PNPLA6: variants seen among roughly 807,000 people sequenced by gnomAD.
PNPLA6 encodes the protein patatin-like phospholipase domain-containing protein 6.
Under a neutral mutation model 153.7 loss-of-function variants are expected in PNPLA6, and 105 were observed. The observed-to-expected ratio is 0.68, with a 90% CI of 0.58 to 0.80. The LOEUF (loss-of-function observed/expected upper bound fraction) is 0.80. Among genes scored for constraint, PNPLA6 ranks in the 30% least tolerant of loss-of-function variants. The pLI is 0.00. For missense variants in PNPLA6, 1,423 were observed against 1,919.3 expected (o/e 0.74, Z 4.83); for synonymous variants, 825 against 822.2 (o/e 1.00, Z -0.06).
chr19:7,542,951 G>A, intron 12 of PNPLA6, 23 bp downstream of exon 12: 1 of 1,613,870 alleles, frequency 6.2e-7, no homozygotes, highest in South Asian at 1.1e-5. Context: ...GGGGAGCTGG[G>A]CACAGGGCGC....
intron 10 of PNPLA6, 163 bp from the exon 11 acceptor site, chr19:7,542,390 AGTGGTGCT>A: frequency 1.5e-6 from 1 of 669,374 alleles, no homozygotes; most frequent in Non-Finnish European, 2.7e-6. Context: ...GCTAGAGTGC[AGTGGTGCT>A]GTCATAGCTC....
chr19:7,557,465 T>C (rs2023932717), intron 27 of PNPLA6, 181 bp downstream of exon 27: 1 of 665,236 alleles, frequency 1.5e-6, no homozygotes, highest in South Asian at 1.6e-5. Flanking sequence ...TGAATGTGCC[T>C]GTGGACAGCG....
At chr19:7,536,950 AAAG>A (rs1225485301) in intron 3 of PNPLA6, among the ~76,000 whole-genome samples, 223 of 127,110 alleles carry the variant, frequency 1.8e-3, no homozygotes, top group East Asian at 0.011. Context: ...AAAAAAAAAA[AAAG>A]AAGAAGAAGA....
At position 7,542,394 on chromosome 19, in the gene PNPLA6, G is replaced by A. The variant is rs561074539; in HGVS notation, c.1253-167G>A. 39 of 675,444 alleles carry A rather than the reference G, an allele frequency of 5.8e-5. 1 individual carries two copies. The African/African-American group carries it at 6.2e-4, about 11-fold the overall frequency. 41.8% of individuals were successfully genotyped at this position (675,444 alleles called of 1,614,324 possible). ...CTGTCTCCCAGGCTAGAGTGCAGTG[G>A]TGCTGTCATAGCTCACTGCAGCCTC... On this transcript the variant is annotated intron_variant, in intron 10 of 31. Transcript: ENST00000600737.
At chr19:7,544,327 G>A (rs1343824406) in intron 13 of PNPLA6, among the ~76,000 whole-genome samples, 1 of 150,756 alleles carries the variant, frequency 6.6e-6, no homozygotes, top group Non-Finnish European at 1.5e-5. Flanking sequence ...GGCCAGCCTT[G>A]TCTCAAACTC....
At chr19:7,546,428 A>T (rs1213852383) in intron 13 of PNPLA6, among the ~76,000 whole-genome samples, 1 of 152,140 alleles carries the variant, frequency 6.6e-6, no homozygotes, top group East Asian at 1.9e-4. Flanking sequence ...CAGGAGTTCG[A>T]GACCAGCCTG....
At chr19:7,554,402 T>A (rs2023780560) in intron 20 of PNPLA6, 130 bp downstream of exon 20, 2 of 1,222,686 alleles carry the variant, frequency 1.6e-6, no homozygotes, top group Non-Finnish European at 2.4e-6. Flanking sequence ...AATGGGGAGA[T>A]TCGCAGTGGT....
chr19:7,549,595 TC>T, intron 13 of PNPLA6: 1 of 421,474 alleles, frequency 2.4e-6, no homozygotes, highest in Non-Finnish European at 4.4e-6. Flanking sequence ...TTCAGGCAAT[TC>T]TCTTGCCTCA....
chr19:7,552,530 T>G (rs909631688), intron 18 of PNPLA6, among the ~76,000 whole-genome samples: 1 of 151,712 alleles, frequency 6.6e-6, no homozygotes, highest in African/African-American at 2.4e-5. Context: ...CTGAGGCAGG[T>G]GAATCACTTG....
In PNPLA6 at chr19:7,560,738, G is replaced by C; in HGVS notation, c.3790G>C (p.Asp1264His). 1 of 1,612,238 alleles carries C rather than the reference G, an allele frequency of 6.2e-7. No individual in the cohort carries two copies. The highest frequency in any genetic ancestry group is 8.5e-7 in the Non-Finnish European group (1 of 1,178,340). The change falls in exon 29 of 32, where the codon GAC (aspartate) becomes CAC (histidine). Residue 1264 changes from aspartate (D) to histidine (H), a missense_variant. Physicochemically the swap from Asp to His is moderately conservative, Grantham distance 81. Coordinates refer to ENST00000600737, the MANE Select transcript of PNPLA6 (RefSeq NM_001166114.2). ...AATGCTCACAGACCGGCGGTCTACA[G>C]ACCTTAATGAGAGCCGCCGTGCAGA... is the stretch of plus-strand genomic sequence containing the variant. ...EKMLTDRRSTDLNESRRADVL... is the reference protein window; with the variant it reads ...EKMLTDRRSTHLNESRRADVL...
At chr19:7,551,534 T>G in intron 18 of PNPLA6, 97 bp downstream of exon 18, 1 of 1,079,732 alleles carries the variant, frequency 9.3e-7, no homozygotes, top group East Asian at 2.4e-5. Flanking sequence ...TGCTGGGAAA[T>G]GGAGTTCCGC....
rs1056771027 is a variant in PNPLA6, at chr19:7,535,744, A to C, written c.-45A>C. The C allele has an allele frequency of 3.9e-6, 6 of 1,519,502 alleles. No homozygotes were observed. The highest frequency in any genetic ancestry group is 2.7e-5 in the African/African-American group (2 of 72,826). 94.1% of individuals were successfully genotyped at this position (1,519,502 alleles called of 1,614,324 possible). A position where few individuals can be genotyped will look rare whatever the true frequency, so the allele number is the denominator to read the frequency against. On this transcript the variant is annotated 5_prime_UTR_variant, in exon 1 of 32. Transcript: ENST00000600737. This position sits in a 1 kb window ranked among gnomAD's most constrained non-coding sequence, Gnocchi z 5.0. ...ACTGCGGGCCGCCGGGCCTCAGGGA[A>C]GAGTCGCGCCCCCGGGGAGGGAGCA...
Position 7,556,647 on chromosome 19 carries a change from C to G in PNPLA6, c.3211-8C>G. 1 of 1,611,892 alleles carries G rather than the reference C, an allele frequency of 6.2e-7. No homozygotes were observed. Among genetic ancestry groups the G allele is most frequent in the Non-Finnish European group, 8.5e-7 (1 of 1,177,990 alleles). ...GCTCCTCCCCCACCTCGATCCCTGT[C>G]CCCGCAGGACCTGTGGCTGCCTTAC... On this transcript the variant is annotated splice_region_variant and splice_polypyrimidine_tract_variant and intron_variant, in intron 25 of 31. Coordinates refer to ENST00000600737, the MANE Select transcript of PNPLA6 (RefSeq NM_001166114.2).
At position 7,553,442 on chromosome 19, in the gene PNPLA6, A is replaced by G. The variant is rs75464357; in HGVS notation, c.2261-433A>G. ...AATTGTTGTGTATTTTTAGTAGAGCAGTGTTTCTCCATGTTGGCTAGGCTA... is the reference window on the plus strand; with the variant it reads ...AATTGTTGTGTATTTTTAGTAGAGCGGTGTTTCTCCATGTTGGCTAGGCTA... On this transcript the variant is annotated intron_variant, in intron 18 of 31. Transcript: ENST00000600737. Among the ~76,000 whole-genome samples, 134 of 152,226 alleles carry G rather than the reference A, an allele frequency of 8.8e-4. 1 individual carries two copies. In the East Asian group the frequency reaches 0.022, roughly 25 times the overall value.
chr19:7,536,357 G>T (rs146661810), intron 2 of PNPLA6, 84 bp downstream of exon 2: 9 of 1,406,520 alleles, frequency 6.4e-6, no homozygotes, highest in Admixed American at 5.1e-5. Flanking sequence ...GTCCGCCACC[G>T]CTCCTTCCTT....
Position 7,535,780 on chromosome 19 carries a change from A to G in PNPLA6, c.-9A>G, listed in dbSNP as rs370681326. 2.6e-6 allele frequency: 4 copies of G among 1,534,638 alleles called. No homozygotes were observed. The highest frequency in any genetic ancestry group is 2.7e-5 in the African/African-American group (2 of 73,004). On this transcript the variant is annotated 5_prime_UTR_variant, in exon 1 of 32. Transcript: ENST00000600737. This position sits in a 1 kb window ranked among gnomAD's most constrained non-coding sequence, Gnocchi z 5.0. ...CCCGGGGAGGGAGCAGCACTGGCCCATTCTGCAGATGGGGACATCGAGTCA... is the reference window on the plus strand; with the variant it reads ...CCCGGGGAGGGAGCAGCACTGGCCCGTTCTGCAGATGGGGACATCGAGTCA...
rs973710453 is a variant in PNPLA6 at position 7,555,900 on chromosome 19, G to T, written c.3093+137G>T. 1.1e-6 allele frequency: 1 copy of T among 937,738 alleles called. No individual in the cohort carries two copies. Among genetic ancestry groups the T allele is most frequent in the Non-Finnish European group, 1.7e-6 (1 of 603,366 alleles). 58.1% of individuals were successfully genotyped at this position (937,738 alleles called of 1,614,324 possible). On this transcript the variant is annotated intron_variant, in intron 24 of 31. Transcript: ENST00000600737. The surrounding 1 kb of genome is among the most constrained non-coding windows in gnomAD (Gnocchi z 6.3). ...TTAAATCTATGATCCCCAGCTGTCCGGACTTTTATAGATAAGCTTCTAGGA... is the reference window on the plus strand; with the variant it reads ...TTAAATCTATGATCCCCAGCTGTCCTGACTTTTATAGATAAGCTTCTAGGA...
chr19:7,544,839 T>C (rs1172572046), intron 13 of PNPLA6, among the ~76,000 whole-genome samples: 1 of 152,112 alleles, frequency 6.6e-6, no homozygotes, highest in Non-Finnish European at 1.5e-5. Flanking sequence ...GTTCTTAGAA[T>C]AGCTGAGGAA....
rs749877949 is a variant in PNPLA6, at chr19:7,554,942, T to C, written c.2684T>C (p.Val895Ala). Residue 895 changes from valine to alanine, a missense_variant, in exon 22 of 32, where the codon GTC becomes GCC. Transcript: ENST00000600737. ...NTAVRALKQL[V>A]LLHREEGAGP... ...GCTGTGCGCGCCCTTAAGCAGCTAGTCCTGCTCCACCGAGAGGAGGGCGCG... is the reference window on the plus strand; with the variant it reads ...GCTGTGCGCGCCCTTAAGCAGCTAGCCCTGCTCCACCGAGAGGAGGGCGCG... 1.3e-6 allele frequency: 2 copies of C among 1,582,108 alleles called. No individual in the cohort carries two copies. Among genetic ancestry groups the C allele is most frequent in the South Asian group, 1.1e-5 (1 of 89,042 alleles).
Sources: gnomAD v4.1 joint callset for allele counts (sites outside exome capture counted in the v4.1 genomes callset) on GRCh38, gnomAD v4.1.1 for gene constraint, Gnocchi (gnomAD v3.1) non-coding constraint, MANE v1.5 for transcripts, NCBI Gene and HGNC (gene_info 2026-07-23, HGNC 2026-07-21) for gene names.